CENPP: variants seen among roughly 807,000 people sequenced by gnomAD.
CENPP encodes the protein centromere protein P.
A neutral mutation model predicts 35.6 loss-of-function variants in CENPP; 24 were observed. The ratio of observed to expected loss-of-function variants is 0.67; its 90% CI spans 0.49 to 0.95. CENPP has a LOEUF of 0.95. Ranked by LOEUF, CENPP falls within the 40% of genes least tolerant of loss-of-function variation. The pLI is 0.00. For missense variants in CENPP, 332 were observed against 345.3 expected (o/e 0.96, Z 0.31); for synonymous variants, 120 against 125.5 (o/e 0.96, Z 0.29).
intron 5 of CENPP, among the ~76,000 whole-genome samples, chr9:92,575,543 G>T (rs908140807): frequency 2.0e-5 from 3 of 152,118 alleles, no homozygotes; most frequent in Non-Finnish European, 2.9e-5. Context: ...GCTGGGCGCG[G>T]TGGCTCACGC....
At chr9:92,518,087 A>G (rs1196502858) in intron 5 of CENPP, among the ~76,000 whole-genome samples, 3 of 152,202 alleles carry the variant, frequency 2.0e-5, no homozygotes, top group African/African-American at 7.2e-5. Flanking sequence ...CGTAGGCTCT[A>G]AGAGTGAACT....
Position 92,615,924 on chromosome 9 carries a change from A to T in CENPP, c.*2775A>T. On this transcript the variant is annotated 3_prime_UTR_variant, in exon 8 of 8. Coordinates refer to ENST00000375587, the MANE Select transcript of CENPP (RefSeq NM_001012267.3). ...TCTTTGGCACGTACAGTCTTTGAATAATAGTTGACGATCTTGCCGTCCAGT... is the reference window on the plus strand; with the variant it reads ...TCTTTGGCACGTACAGTCTTTGAATTATAGTTGACGATCTTGCCGTCCAGT... The T allele has an allele frequency of 6.2e-7, 1 of 1,614,182 alleles. No homozygotes were observed. The highest frequency in any genetic ancestry group is 8.5e-7 in the Non-Finnish European group (1 of 1,180,036).
At chr9:92,392,948 T>C (rs1842746169) in intron 5 of CENPP, 2 of 629,952 alleles carry the variant, frequency 3.2e-6, no homozygotes, top group Non-Finnish European at 5.3e-6. Flanking sequence ...AATGGACTTT[T>C]GTGAAACATG....
At chr9:92,409,380 A>G (rs1843386598) in intron 5 of CENPP, among the ~76,000 whole-genome samples, 1 of 152,254 alleles carries the variant, frequency 6.6e-6, no homozygotes, top group Non-Finnish European at 1.5e-5. Context: ...GAATTCTTAA[A>G]ACAGAAAAAT....
At chr9:92,443,326 C>T (rs1360072089) in intron 5 of CENPP, among the ~76,000 whole-genome samples, 1 of 151,960 alleles carries the variant, frequency 6.6e-6, no homozygotes, top group Non-Finnish European at 1.5e-5. Context: ...GAAAATAAAA[C>T]TTTAAAAGAT....
chr9:92,592,488 C>T (rs1378184363), intron 5 of CENPP, among the ~76,000 whole-genome samples: 1 of 152,192 alleles, frequency 6.6e-6, no homozygotes, highest in Non-Finnish European at 1.5e-5. Flanking sequence ...TTCGATCATT[C>T]ATCTCATTGC....
At chr9:92,518,044 T>A (rs932378433) in intron 5 of CENPP, among the ~76,000 whole-genome samples, 1 of 152,208 alleles carries the variant, frequency 6.6e-6, no homozygotes, top group Non-Finnish European at 1.5e-5. Context: ...AATGCTGAAA[T>A]GCTTTTCACA....
intron 5 of CENPP, chr9:92,457,531 G>T: frequency 7.3e-7 from 1 of 1,368,838 alleles, no homozygotes; most frequent in Non-Finnish European, 1.0e-6. Flanking sequence ...CCCAGTAAAT[G>T]TAAACGGAAG....
chr9:92,465,167 A>G lies in CENPP; in HGVS notation c.564+85308A>G. The G allele has an allele frequency of 7.7e-6, 5 of 653,284 alleles. No homozygotes were observed. The South Asian group carries it at 7.7e-5, about 10-fold the overall frequency. 40.5% of individuals were successfully genotyped at this position (653,284 alleles called of 1,614,324 possible). A position where few individuals can be genotyped will look rare whatever the true frequency, so the allele number is the denominator to read the frequency against. On this transcript the variant is annotated intron_variant, in intron 5 of 7. Transcript: ENST00000375587. ...CTTTAGGCTCATTTTCACTCGGTAT[A>G]TCTGCTTCTGTCTATCTACTGTCCT...
Position 92,382,466 on chromosome 9 carries a change from C to A in CENPP, c.564+2607C>A, listed in dbSNP as rs1330378547. Among the ~76,000 whole-genome samples the A allele has an allele frequency of 2.0e-5, 3 of 152,086 alleles. No individual in the cohort carries two copies. The East Asian group carries it at 5.8e-4, about 29-fold the overall frequency. On this transcript the variant is annotated intron_variant, in intron 5 of 7. Transcript: ENST00000375587. ...TATAGAACTTATTCCTCCTATCTAG[C>A]TGTAATTTTGTATCCTTTAACAAAT... is the stretch of plus-strand genomic sequence containing the variant.
intron 5 of CENPP, chr9:92,495,522 A>G: frequency 2.0e-6 from 2 of 983,466 alleles, no homozygotes; most frequent in Non-Finnish European, 2.4e-6. Context: ...ATTAATTTGT[A>G]TTTTAAGCAA....
chr9:92,519,134 C>G (rs1847908965), intron 5 of CENPP, among the ~76,000 whole-genome samples: 2 of 152,156 alleles, frequency 1.3e-5, no homozygotes, highest in South Asian at 4.1e-4. Flanking sequence ...CTTTCCCCGA[C>G]CACTAACTCA....
chr9:92,491,883 G>T (rs771525215), intron 5 of CENPP, among the ~76,000 whole-genome samples: 19 of 151,980 alleles, frequency 1.3e-4, no homozygotes, highest in Non-Finnish European at 2.2e-4. Flanking sequence ...ATTTCTCATC[G>T]CCTTGAATCT....
At chr9:92,406,181 G>A (rs1843300616) in intron 5 of CENPP, among the ~76,000 whole-genome samples, 1 of 152,142 alleles carries the variant, frequency 6.6e-6, no homozygotes, top group South Asian at 2.1e-4. Context: ...CCTTAGGGAG[G>A]GGATGGGGGT....
chr9:92,494,909 A>AAAT (rs1014394868), intron 5 of CENPP, among the ~76,000 whole-genome samples: 2 of 152,132 alleles, frequency 1.3e-5, no homozygotes, highest in South Asian at 4.2e-4. Flanking sequence ...CCGTCTAAAA[A>AAAT]AATAATAATA....
At chr9:92,425,131 C>T (rs116463068) in intron 5 of CENPP, among the ~76,000 whole-genome samples, 1 of 152,190 alleles carries the variant, frequency 6.6e-6, no homozygotes, top group Non-Finnish European at 1.5e-5. Context: ...CACAGATTAA[C>T]TATACGACTT....
At chr9:92,474,745 A>C (rs200538582) in intron 5 of CENPP, 39 of 328,164 alleles carry the variant, frequency 1.2e-4, no homozygotes, top group Non-Finnish European at 1.7e-4. Context: ...AGTTGTCCTC[A>C]TCATCATCAT....
At position 92,609,571 on chromosome 9, in the gene CENPP, A is replaced by G. The variant is rs562005798; in HGVS notation, c.565-1743A>G. Among the ~76,000 whole-genome samples, 29 of 152,342 alleles carry G rather than the reference A, an allele frequency of 1.9e-4. No homozygotes were observed. The East Asian group carries it at 5.2e-3, about 27-fold the overall frequency. On this transcript the variant is annotated intron_variant, in intron 5 of 7. Transcript: ENST00000375587. ...TGCATGAGACTTAAGCAGCACCCCC[A>G]GGCTTCTATATCAGTCGCTGTGAGA...
At chr9:92,369,189 G>T (rs1391494781) in intron 4 of CENPP, among the ~76,000 whole-genome samples, 1 of 152,162 alleles carries the variant, frequency 6.6e-6, no homozygotes, top group Non-Finnish European at 1.5e-5. Flanking sequence ...ACACCATAGG[G>T]GCCACATGAG....
Sources: gnomAD v4.1 joint callset for allele counts (sites outside exome capture counted in the v4.1 genomes callset) on GRCh38, gnomAD v4.1.1 for gene constraint, MANE v1.5 for transcripts, NCBI Gene and HGNC (gene_info 2026-07-23, HGNC 2026-07-21) for gene names.